The following ZNF469 variants were observed in gnomAD, a reference collection of about 807,000 sequenced individuals.
ZNF469 encodes zinc finger protein 469.
In ZNF469, 1 loss-of-function variant was observed where a neutral mutation model predicts 1.0. The ratio of observed to expected loss-of-function variants is 1.00; its 90% CI spans 0.35 to 4.73. The LOEUF (loss-of-function observed/expected upper bound fraction) is 4.73, where lower values mean the gene tolerates loss of function less well. Ranked by LOEUF, ZNF469 falls within the 30% of genes most tolerant of loss-of-function variation. ZNF469 has a pLI of 0.16. For synonymous variants in ZNF469, 2,703 were observed against 2,363.4 expected (o/e 1.14, Z -4.17); for missense variants, 6,100 against 5,356.3 (o/e 1.14, Z -4.33).
At chr16:88,169,015 G>T in the ZNF469 span, among the ~76,000 whole-genome samples, 2 of 152,132 alleles carry the variant, frequency 1.3e-5, no homozygotes, top group Non-Finnish European at 2.9e-5. The surrounding 1 kb of genome is among the most constrained non-coding windows in gnomAD (Gnocchi z 6.1). Flanking sequence ...GGAAGGATGT[G>T]GGGAGGAGGA....
At chr16:88,324,600 C>A in the ZNF469 span, among the ~76,000 whole-genome samples, 5 of 152,238 alleles carry the variant, frequency 3.3e-5, no homozygotes, top group East Asian at 9.6e-4. Context: ...AGTTGCTGCT[C>A]CTTGCAGAGC....
chr16:88,331,718 GTCACCA>G, the ZNF469 span, among the ~76,000 whole-genome samples: 3 of 91,844 alleles, frequency 3.3e-5, no homozygotes, highest in African/African-American at 1.3e-4. Flanking sequence ...CATCACCATC[GTCACCA>G]TCACCATCAC....
At chr16:88,124,547 C>T in the ZNF469 span, among the ~76,000 whole-genome samples, 10 of 151,616 alleles carry the variant, frequency 6.6e-5, no homozygotes, top group African/African-American at 1.2e-4. Context: ...ATTTCTTAAT[C>T]ATGTGTTTGG....
Position 88,439,760 on chromosome 16 carries a change from CTT to C in ZNF469, c.*429_*430del. The C allele has an allele frequency of 3.9e-6, 1 of 257,478 alleles. No homozygotes were observed. The highest frequency in any genetic ancestry group is 7.5e-6 in the Non-Finnish European group (1 of 132,504). 15.9% of individuals were successfully genotyped at this position (257,478 alleles called of 1,614,324 possible). A position where few individuals can be genotyped will look rare whatever the true frequency, so the allele number is the denominator to read the frequency against. ...GCCGTGGGATGGTGGTAGGTTCCCT[CTT>C]AGTCTTGCTGCTGTTGCTGGAATTC... On this transcript the variant is annotated 3_prime_UTR_variant, in exon 3 of 3. Coordinates refer to ENST00000565624, the MANE Select transcript of ZNF469 (RefSeq NM_001367624.2).
the ZNF469 span, among the ~76,000 whole-genome samples, chr16:88,289,416 G>T: frequency 2.7e-4 from 39 of 146,980 alleles, 1 homozygote; most frequent in South Asian, 2.4e-3. Flanking sequence ...TGATGATGAT[G>T]ATTATTATGA....
In ZNF469 at chr16:88,428,973, G is replaced by C. The variant is rs1173400695; in HGVS notation, c.1503G>C (p.Leu501=). 1 of 1,548,650 alleles carries C rather than the reference G, an allele frequency of 6.5e-7. No individual in the cohort carries two copies. Among genetic ancestry groups the C allele is most frequent in the Non-Finnish European group, 8.7e-7 (1 of 1,146,508 alleles). The change falls in exon 3 of 3, where the codon CTG becomes CTC. Residue 501 remains leucine, a synonymous_variant. Coordinates refer to ENST00000565624, the MANE Select transcript of ZNF469 (RefSeq NM_001367624.2). The stretch of plus-strand genomic sequence containing the variant: ...CAAGTCCCCACGGAATGGAGATGCT[G>C]AGCCGGCTGCCTTTCCCCGCGGGGG... ...ARPSPHGMEM[L]SRLPFPAGGP...
chr16:88,106,776 C>T, the ZNF469 span, among the ~76,000 whole-genome samples: 3 of 152,336 alleles, frequency 2.0e-5, no homozygotes, highest in Non-Finnish European at 4.4e-5. Flanking sequence ...TGCCATGGGA[C>T]GGAGCTCAGC....
chr16:88,148,878 T>C, the ZNF469 span, among the ~76,000 whole-genome samples: 1 of 152,166 alleles, frequency 6.6e-6, no homozygotes, highest in African/African-American at 2.4e-5. Context: ...GGGGGGTTCA[T>C]GTGTGGGACA....
the ZNF469 span, among the ~76,000 whole-genome samples, chr16:88,136,484 G>A: frequency 2.6e-5 from 4 of 152,342 alleles, no homozygotes; most frequent in Non-Finnish European, 5.9e-5. Context: ...CTGGCTATTC[G>A]TAACCCCAGG....
chr16:88,289,190 T>G, the ZNF469 span, among the ~76,000 whole-genome samples: 2 of 146,846 alleles, frequency 1.4e-5, no homozygotes, highest in African/African-American at 5.4e-5. Flanking sequence ...TTGATGATGA[T>G]TAGGTTGATG....
At chr16:88,125,893 T>G in the ZNF469 span, among the ~76,000 whole-genome samples, 24 of 152,298 alleles carry the variant, frequency 1.6e-4, no homozygotes, top group South Asian at 4.8e-3. Flanking sequence ...TCTAGTAACT[T>G]TTTAAAAAGT....
At chr16:88,323,418 C>A in the ZNF469 span, among the ~76,000 whole-genome samples, 1 of 152,242 alleles carries the variant, frequency 6.6e-6, no homozygotes, top group African/African-American at 2.4e-5. Flanking sequence ...AAACCACCTT[C>A]TTCCTTCCCA....
At chr16:88,149,644 C>T in the ZNF469 span, among the ~76,000 whole-genome samples, 6 of 152,132 alleles carry the variant, frequency 3.9e-5, no homozygotes, top group East Asian at 1.9e-4. Context: ...AAGAACCCCC[C>T]GCACCCCCAG....
At chr16:88,188,588 C>A in the ZNF469 span, among the ~76,000 whole-genome samples, 1 of 152,272 alleles carries the variant, frequency 6.6e-6, no homozygotes, top group South Asian at 2.1e-4. Context: ...CAACCTGGGT[C>A]CCCAGGCACC....
chr16:88,331,701 CCAT>C, the ZNF469 span, among the ~76,000 whole-genome samples: 20 of 151,102 alleles, frequency 1.3e-4, no homozygotes, highest in Non-Finnish European at 1.9e-4. Context: ...ATCATCACCA[CCAT>C]CATCATCACC....
chr16:88,180,291 C>A, the ZNF469 span, among the ~76,000 whole-genome samples: 1 of 151,466 alleles, frequency 6.6e-6, no homozygotes, highest in African/African-American at 2.4e-5. Context: ...CAAGATCCAA[C>A]TCTATGCTGT....
chr16:88,429,411 C>G lies in ZNF469; in HGVS notation c.1941C>G (p.Pro647=). 1 of 1,548,148 alleles carries G rather than the reference C, an allele frequency of 6.5e-7. No homozygotes were observed. Among genetic ancestry groups the G allele is most frequent in the Non-Finnish European group, 8.7e-7 (1 of 1,145,240 alleles). The change falls in exon 3 of 3, where the codon CCC becomes CCG. Residue 647 remains proline (P), a synonymous_variant. Transcript: ENST00000565624. ...PPTHPQETGS[P]FPSPEPPHSL... ...CTCACCCCCAGGAGACGGGCAGCCC[C>G]TTCCCGTCCCCGGAGCCCCCCCACT...
chr16:88,368,388 G>A, the ZNF469 span, among the ~76,000 whole-genome samples: 44 of 152,244 alleles, frequency 2.9e-4, no homozygotes, highest in Non-Finnish European at 2.9e-5. Flanking sequence ...CCTTGCAGGG[G>A]CTCTGCGAGG....
rs933192639 is a variant in ZNF469 at position 88,428,729 on chromosome 16, C to T, written c.1259C>T (p.Pro420Leu). 12 of 1,547,406 alleles carry T rather than the reference C, an allele frequency of 7.8e-6. No homozygotes were observed. The highest frequency in any genetic ancestry group is 1.4e-5 in the African/African-American group (1 of 72,998). ...AGAGCCAGTGGGGTGGACACCAGCCCGGGGCCTCCGGACACCGAGCTGGCC... is the reference window on the plus strand; with the variant it reads ...AGAGCCAGTGGGGTGGACACCAGCCTGGGGCCTCCGGACACCGAGCTGGCC... ...AYRASGVDTSPGPPDTELAAP... is the reference protein window; with the variant it reads ...AYRASGVDTSLGPPDTELAAP... Residue 420 changes from proline (P) to leucine (L), a missense_variant, in exon 3 of 3, where the codon CCG (proline) becomes CTG (leucine). Pro to Leu is a moderately conservative substitution (Grantham distance 98). Coordinates refer to ENST00000565624, the MANE Select transcript of ZNF469 (RefSeq NM_001367624.2).
Sources: gnomAD v4.1 joint callset for allele counts (sites outside exome capture counted in the v4.1 genomes callset) on GRCh38, gnomAD v4.1.1 for gene constraint, Gnocchi (gnomAD v3.1) non-coding constraint, MANE v1.5 for transcripts, NCBI Gene and HGNC (gene_info 2026-07-23, HGNC 2026-07-21) for gene names.